PCYT1B: variants seen among roughly 807,000 people sequenced by gnomAD.
PCYT1B encodes the protein choline-phosphate cytidylyltransferase B.
A neutral mutation model predicts 26.4 loss-of-function variants in PCYT1B; 10 were observed. That is an observed-to-expected ratio of 0.38 (90% CI 0.23 to 0.64). The LOEUF (loss-of-function observed/expected upper bound fraction) is 0.64, where lower values mean the gene tolerates loss of function less well. Ranked by LOEUF, PCYT1B falls within the 30% of genes least tolerant of loss-of-function variation. The pLI is 0.56. For synonymous variants in PCYT1B, 131 were observed against 108.4 expected (o/e 1.21, Z -1.29); for missense variants, 161 against 292.7 (o/e 0.55, Z 3.28).
upstream of PCYT1B, among the ~76,000 whole-genome samples, chrX:24,651,186 G>A (rs1291678046): frequency 1.2e-4 from 13 of 109,713 alleles, no homozygotes; most frequent in Admixed American, 4.9e-4. Flanking sequence ...GGCTGGGCGC[G>A]GTGGCTCACG....
In PCYT1B at chrX:24,626,084, A is replaced by G. The variant is rs190426756; in HGVS notation, c.118-7000T>C. Among the ~76,000 whole-genome samples, 1,015 of 110,645 alleles carry G rather than the reference A, an allele frequency of 9.2e-3. 16 individuals are homozygous for G. The highest frequency in any genetic ancestry group is 0.031 in the African/African-American group (953 of 30,372). Reference sequence around the variant, plus strand: ...AGCTGAGATCACGCCACTGCACTCCAGCCTGGGTGACAAGAGTGAAACTCT... The same window carrying G: ...AGCTGAGATCACGCCACTGCACTCCGGCCTGGGTGACAAGAGTGAAACTCT... On this transcript the variant is annotated intron_variant, in intron 1 of 7. Transcript: ENST00000379144.
At chrX:24,671,195 C>G (rs745766826) in intron 1 of PCYT1B, among the ~76,000 whole-genome samples, 9 of 111,060 alleles carry the variant, frequency 8.1e-5, no homozygotes, top group African/African-American at 3.0e-4. Flanking sequence ...GTTTAGAACT[C>G]CTTACCTCAA....
In PCYT1B at chrX:24,568,306, G is replaced by A. The variant is rs764535527; in HGVS notation, c.898-5801C>T. Among the ~76,000 whole-genome samples the A allele has an allele frequency of 3.6e-5, 4 of 112,034 alleles. No homozygotes were observed. The South Asian group carries it at 1.5e-3, about 42-fold the overall frequency. ...CCAACACTTTGGGAGGCTGAAGTGGGAGGACCGCTTGAGTCCAGGAGTTCG... is the reference window on the plus strand; with the variant it reads ...CCAACACTTTGGGAGGCTGAAGTGGAAGGACCGCTTGAGTCCAGGAGTTCG... On this transcript the variant is annotated intron_variant, in intron 7 of 7. Transcript: ENST00000379144.
chrX:24,595,460 A>G (rs1159205499), intron 3 of PCYT1B, among the ~76,000 whole-genome samples: 1 of 110,960 alleles, frequency 9.0e-6, no homozygotes, highest in Non-Finnish European at 1.9e-5. Flanking sequence ...TCTAGTAATT[A>G]TCTGGGCTCA....
intron 2 of PCYT1B, among the ~76,000 whole-genome samples, chrX:24,613,601 A>G (rs895099280): frequency 1.3e-4 from 15 of 111,596 alleles, no homozygotes; most frequent in African/African-American, 4.9e-4. Flanking sequence ...AACAGATAAT[A>G]CAAACTTCCT....
intron 1 of PCYT1B, among the ~76,000 whole-genome samples, chrX:24,656,236 G>GGA (rs1443803546): frequency 2.0e-5 from 2 of 98,941 alleles, no homozygotes; most frequent in African/African-American, 3.7e-5. Context: ...TCGCGGGGGG[G>GGA]GGTGGTAATC....
chrX:24,600,857 C>CTAGT (rs1416504895), intron 3 of PCYT1B, among the ~76,000 whole-genome samples: 1 of 109,068 alleles, frequency 9.2e-6, no homozygotes, highest in Non-Finnish European at 1.9e-5. Context: ...ATACAGAGAG[C>CTAGT]CAGTCTTTGA....
At chrX:24,569,927 T>C (rs1206160236) in intron 7 of PCYT1B, among the ~76,000 whole-genome samples, 2 of 111,836 alleles carry the variant, frequency 1.8e-5, no homozygotes, top group Non-Finnish European at 3.8e-5. Context: ...CTCATGCCTG[T>C]AATCCCAGCA....
At chrX:24,664,593 A>G (rs923833745) in intron 1 of PCYT1B, among the ~76,000 whole-genome samples, 6 of 112,095 alleles carry the variant, frequency 5.4e-5, no homozygotes, top group Non-Finnish European at 9.4e-5. Flanking sequence ...CTATTATGCC[A>G]ATGGGGGAGG....
chrX:24,569,448 T>C (rs771565621), intron 7 of PCYT1B, among the ~76,000 whole-genome samples: 2 of 111,842 alleles, frequency 1.8e-5, no homozygotes, highest in South Asian at 7.5e-4. Flanking sequence ...TTTCTCAGTA[T>C]ATACCCAAAA....
chrX:24,624,031 G>A (rs970578243), intron 1 of PCYT1B, among the ~76,000 whole-genome samples: 4 of 103,989 alleles, frequency 3.8e-5, no homozygotes, highest in African/African-American at 1.4e-4. Context: ...GAGTGCAGTG[G>A]CGCAATCTGC....
At chrX:24,617,358 G>A (rs1269498524) in intron 2 of PCYT1B, among the ~76,000 whole-genome samples, 1 of 71,136 alleles carries the variant, frequency 1.4e-5, no homozygotes, top group Non-Finnish European at 2.4e-5. Flanking sequence ...ATTCTCTTAA[G>A]TTTGGTTTGT....
intron 2 of PCYT1B, among the ~76,000 whole-genome samples, chrX:24,608,699 A>G (rs1925215252): frequency 8.9e-6 from 1 of 111,816 alleles, no homozygotes; most frequent in African/African-American, 3.2e-5. Flanking sequence ...ACTTCAGTAC[A>G]GCACCTCCAG....
Position 24,672,608 on chromosome X carries a change from T to C in PCYT1B, c.25A>G (p.Met9Val), listed in dbSNP as rs752349424. 3 of 1,206,853 alleles carry C rather than the reference T, an allele frequency of 2.5e-6. No homozygotes were observed. In the South Asian group the frequency reaches 5.3e-5, roughly 21 times the overall value. The stretch of plus-strand genomic sequence containing the variant: ...TGGGGAGCGCGATTGTCCTCTTCCA[T>C]GATGCACTCCTGATGGCCTACCATG... Residue 9 changes from methionine to valine, a missense_variant, in exon 1 of 8, where the codon ATG becomes GTG. Physicochemically the swap from Met to Val is conservative, Grantham distance 21. Coordinates refer to the PCYT1B transcript ENST00000379145.
intron 1 of PCYT1B, among the ~76,000 whole-genome samples, chrX:24,669,179 C>T (rs1192231395): frequency 3.6e-5 from 4 of 111,705 alleles, no homozygotes; most frequent in Non-Finnish European, 5.6e-5. Flanking sequence ...TCTATATCTG[C>T]GTTGTCCAAA....
chrX:24,646,309 C>A (rs1383702847), intron 1 of PCYT1B, among the ~76,000 whole-genome samples: 2 of 111,264 alleles, frequency 1.8e-5, no homozygotes, highest in Non-Finnish European at 3.8e-5. Flanking sequence ...GCTCTCAGTA[C>A]CCCGTTTCCA....
chrX:24,598,618 A>T (rs923259574), intron 3 of PCYT1B, among the ~76,000 whole-genome samples: 1 of 111,579 alleles, frequency 9.0e-6, no homozygotes, highest in African/African-American at 3.2e-5. Context: ...ATTACATTGC[A>T]TTACTACAAA....
At chrX:24,643,291 A>G (rs1213711300) in intron 1 of PCYT1B, among the ~76,000 whole-genome samples, 2 of 72,516 alleles carry the variant, frequency 2.8e-5, no homozygotes, top group Middle Eastern at 7.3e-3. Context: ...TAGATTTCCA[A>G]GAAGGGCTAT....
At chrX:24,644,281 G>A (rs1926552558) in intron 1 of PCYT1B, among the ~76,000 whole-genome samples, 1 of 111,798 alleles carries the variant, frequency 8.9e-6, no homozygotes, top group South Asian at 3.7e-4. Flanking sequence ...GAAAATTTTA[G>A]TAGTGTTTTA....
Sources: gnomAD v4.1 joint callset for allele counts (sites outside exome capture counted in the v4.1 genomes callset) on GRCh38, gnomAD v4.1.1 for gene constraint, MANE v1.5 for transcripts, NCBI Gene and HGNC (gene_info 2026-07-23, HGNC 2026-07-21) for gene names.